The following SFMBT1 variants were observed in gnomAD, a reference collection of about 807,000 sequenced individuals.
SFMBT1 encodes the protein scm-like with four MBT domains protein 1.
SFMBT1 carries 32 observed loss-of-function variants against 108.7 expected under a neutral mutation model. The observed-to-expected ratio is 0.29, with a 90% confidence interval of 0.22 to 0.40. The LOEUF (loss-of-function observed/expected upper bound fraction) is 0.40. SFMBT1 is among the 10% of genes least tolerant of loss of function. The probability of loss-of-function intolerance (pLI) is 1.00; values close to 1 mark genes in which losing one functional copy is unlikely to be tolerated. For missense variants in SFMBT1, 816 were observed against 1,059.6 expected (o/e 0.77, Z 3.19); for synonymous variants, 348 against 369.5 (o/e 0.94, Z 0.67).
At chr3:53,021,807 G>T (rs1017164548) in intron 1 of SFMBT1, among the ~76,000 whole-genome samples, 25 of 152,172 alleles carry the variant, frequency 1.6e-4, no homozygotes, top group African/African-American at 5.8e-4. Context: ...CATTTACAAG[G>T]GGAAAAGAGA....
chr3:53,023,852 C>CT (rs1699395872), intron 1 of SFMBT1, among the ~76,000 whole-genome samples: 2 of 152,210 alleles, frequency 1.3e-5, no homozygotes. Context: ...TGACTAGACA[C>CT]TCGCTAATAG....
chr3:52,996,962 C>T (rs939766811), intron 1 of SFMBT1, among the ~76,000 whole-genome samples: 8 of 149,270 alleles, frequency 5.4e-5, no homozygotes, highest in African/African-American at 1.5e-4. Context: ...CCAGCTACTC[C>T]GGAGGCTGAG....
intron 2 of SFMBT1, among the ~76,000 whole-genome samples, chr3:52,955,414 AAAATAAAT>A (rs554888652): frequency 4.0e-5 from 6 of 151,550 alleles, no homozygotes; most frequent in African/African-American, 7.3e-5. Flanking sequence ...CTCTATCTCA[AAAATAAAT>A]AAATAAATAA....
intron 1 of SFMBT1, among the ~76,000 whole-genome samples, chr3:53,038,235 G>GT (rs1203710963): frequency 6.6e-6 from 1 of 152,170 alleles, no homozygotes; most frequent in Non-Finnish European, 1.5e-5. Flanking sequence ...CTCCTACCCT[G>GT]TATCTCCTCC....
chr3:52,913,571 G>A lies in SFMBT1; in HGVS notation c.1527C>T (p.His509=). The A allele has an allele frequency of 6.2e-7, 1 of 1,614,110 alleles. No individual in the cohort carries two copies. Among genetic ancestry groups the A allele is most frequent in the East Asian group, 2.2e-5 (1 of 44,886 alleles). ...KYCCPKIYFN[H]RCFSGPYLNK... is the part of the protein sequence containing the mutation. ...TAAGATATGGCCCTGAGAAGCAACG[G>A]TGGTTGAAGTATATCTTTGGACAGC... Residue 509 remains histidine, a synonymous_variant, in exon 15 of 21, where the codon CAC becomes CAT. Transcript: ENST00000394752.
At chr3:52,962,693 A>C (rs557483096) in intron 2 of SFMBT1, among the ~76,000 whole-genome samples, 4 of 151,570 alleles carry the variant, frequency 2.6e-5, no homozygotes. Flanking sequence ...CTGTAATCCC[A>C]GCTACTCAGG....
intron 1 of SFMBT1, among the ~76,000 whole-genome samples, chr3:53,023,184 G>A (rs757652362): frequency 1.2e-4 from 19 of 152,176 alleles, no homozygotes. Context: ...ATCAGGAGAG[G>A]TCAATGTGAT....
intron 3 of SFMBT1, among the ~76,000 whole-genome samples, chr3:52,951,454 T>C (rs1559523909): frequency 6.6e-6 from 1 of 151,680 alleles, no homozygotes; most frequent in Non-Finnish European, 1.5e-5. Context: ...TTTGCTCTTG[T>C]TGCCCAGGCT....
At chr3:52,928,092 C>A (rs533481444) in intron 9 of SFMBT1, 99 bp downstream of exon 9, 11 of 1,464,134 alleles carry the variant, frequency 7.5e-6, no homozygotes, top group Non-Finnish European at 1.0e-5. Context: ...CAGGCTAGGG[C>A]AGGAGGAGAG....
chr3:53,009,769 A>G (rs1316210510), intron 1 of SFMBT1, among the ~76,000 whole-genome samples: 1 of 152,240 alleles, frequency 6.6e-6, no homozygotes, highest in East Asian at 1.9e-4. Flanking sequence ...CATGTTTTGT[A>G]TATGTATTAT....
At position 52,943,563 on chromosome 3, in the gene SFMBT1, G is replaced by C. The variant is rs1430402685; in HGVS notation, c.154C>G (p.Pro52Ala). 6.8e-6 allele frequency: 11 copies of C among 1,614,084 alleles called. No homozygotes were observed. The South Asian group carries it at 7.7e-5, about 11-fold the overall frequency. ...ACAGCCACCTCCAGCTTCATCCCAG[G>C]AGCAAATCCATTTTGCAAACGTGTG... ...VDTRLQNGFA[P>A]GMKLEVAVRT... The change falls in exon 4 of 21, where the codon CCT becomes GCT. Residue 52 changes from proline (P) to alanine (A), a missense_variant. This residue lies in a region of SFMBT1 where 495 missense variants were observed against 607.4 expected (regional missense o/e 0.81). Transcript: ENST00000394752.
intron 1 of SFMBT1, among the ~76,000 whole-genome samples, chr3:53,012,681 C>T (rs55962821): frequency 0.27 from 40,783 of 151,396 alleles, 6,260 homozygotes; most frequent in Middle Eastern, 0.4. Flanking sequence ...GGATTACAGG[C>T]GTGAGCCACC....
chr3:53,037,065 C>T (rs747211628), intron 1 of SFMBT1, among the ~76,000 whole-genome samples: 1 of 152,152 alleles, frequency 6.6e-6, no homozygotes, highest in African/African-American at 2.4e-5. Context: ...CACACTATTC[C>T]GGAAAGCACT....
intron 4 of SFMBT1, among the ~76,000 whole-genome samples, chr3:52,941,464 G>A (rs1235926321): frequency 6.6e-6 from 1 of 151,672 alleles, no homozygotes; most frequent in Non-Finnish European, 1.5e-5. Context: ...TGTGGTGGCG[G>A]GTGCCTGTAA....
intron 1 of SFMBT1, among the ~76,000 whole-genome samples, chr3:52,980,319 G>A (rs575136160): frequency 6.6e-6 from 1 of 151,710 alleles, no homozygotes; most frequent in East Asian, 1.9e-4. Flanking sequence ...GAGCTCAAGT[G>A]TTGCGACTAT....
chr3:52,920,720 C>A, intron 11 of SFMBT1, 70 bp from the exon 12 acceptor site: 1 of 906,574 alleles, frequency 1.1e-6, no homozygotes, highest in Non-Finnish European at 1.7e-6. Flanking sequence ...TAACCTTCTT[C>A]ATAAACTATT....
intron 13 of SFMBT1, among the ~76,000 whole-genome samples, chr3:52,916,696 C>CA (rs1369630138): frequency 2.7e-5 from 4 of 149,720 alleles, no homozygotes; most frequent in South Asian, 2.1e-4. Context: ...ACAACAACAA[C>CA]AACAACAACA....
intron 1 of SFMBT1, among the ~76,000 whole-genome samples, chr3:53,016,343 TG>T (rs1699125737): frequency 6.6e-6 from 1 of 152,172 alleles, no homozygotes; most frequent in Non-Finnish European, 1.5e-5. Flanking sequence ...GCCAAAGACA[TG>T]TCAATCTAGC....
chr3:52,978,760 A>C (rs1364248349), intron 1 of SFMBT1, among the ~76,000 whole-genome samples: 1 of 152,262 alleles, frequency 6.6e-6, no homozygotes, highest in Admixed American at 6.5e-5. Flanking sequence ...ATCTAATATA[A>C]TGGAATATTA....
Sources: gnomAD v4.1 joint callset for allele counts (sites outside exome capture counted in the v4.1 genomes callset) on GRCh38, gnomAD v4.1.1 for gene constraint, gnomAD v4.1.1 regional missense constraint, MANE v1.5 for transcripts, NCBI Gene and HGNC (gene_info 2026-07-23, HGNC 2026-07-21) for gene names.